Variants in ADORA2B observed in about 807,000 individuals in gnomAD.
ADORA2B encodes the protein adenosine receptor A2b.
ADORA2B carries 18 observed loss-of-function variants against 20.8 expected under a neutral mutation model. The ratio of observed to expected loss-of-function variants is 0.87; its 90% CI spans 0.60 to 1.29. The LOEUF (loss-of-function observed/expected upper bound fraction) is 1.29. ADORA2B is among the 50% of genes most tolerant of loss of function. The probability of loss-of-function intolerance (pLI) is 0.00; values close to 1 mark genes in which losing one functional copy is unlikely to be tolerated. For synonymous variants in ADORA2B, 179 were observed against 178.3 expected (o/e 1.00, Z -0.03); for missense variants, 441 against 422.7 (o/e 1.04, Z -0.38).
chr17:15,918,751 A>G, the ADORA2B span, among the ~76,000 whole-genome samples: 3 of 152,162 alleles, frequency 2.0e-5, no homozygotes, highest in African/African-American at 4.8e-5. Flanking sequence ...ATTCAGGTGT[A>G]AGCCACCGCG....
At chr17:15,890,499 T>TA in the ADORA2B span, among the ~76,000 whole-genome samples, 1 of 151,424 alleles carries the variant, frequency 6.6e-6, no homozygotes, top group African/African-American at 2.4e-5. Flanking sequence ...TTTATTTATT[T>TA]TTTGTATTTT....
chr17:15,915,660 T>C, the ADORA2B span, among the ~76,000 whole-genome samples: 1 of 152,146 alleles, frequency 6.6e-6, no homozygotes, highest in Non-Finnish European at 1.5e-5. Context: ...CCCATGTGAC[T>C]ATGGAGGCTG....
chr17:15,931,132 C>T, the ADORA2B span, among the ~76,000 whole-genome samples: 3 of 152,130 alleles, frequency 2.0e-5, no homozygotes, highest in East Asian at 5.8e-4. Context: ...GCCTGGGCAA[C>T]ACAGCAAGGC....
intron 1 of ADORA2B, among the ~76,000 whole-genome samples, chr17:15,956,113 CT>C (rs1020898334): frequency 2.0e-5 from 3 of 152,198 alleles, no homozygotes; most frequent in African/African-American, 7.2e-5. Flanking sequence ...AGTTTCTTCG[CT>C]TTTTTTCCTT....
the ADORA2B span, among the ~76,000 whole-genome samples, chr17:15,920,661 C>T: frequency 6.8e-6 from 1 of 147,818 alleles, no homozygotes; most frequent in Non-Finnish European, 1.5e-5. Flanking sequence ...GTGGAGGTTG[C>T]AGTGAGCCAA....
the ADORA2B span, among the ~76,000 whole-genome samples, chr17:15,883,263 A>C: frequency 5.3e-5 from 8 of 152,376 alleles, no homozygotes; most frequent in African/African-American, 1.9e-4. Context: ...AAAATACAGA[A>C]GTGCTGTTTC....
chr17:15,867,883 C>G, the ADORA2B span, among the ~76,000 whole-genome samples: 3 of 152,070 alleles, frequency 2.0e-5, no homozygotes, highest in Non-Finnish European at 4.4e-5. Flanking sequence ...CTCAACAGCT[C>G]ATTGAGAACG....
At chr17:15,926,353 G>A in the ADORA2B span, among the ~76,000 whole-genome samples, 1 of 151,926 alleles carries the variant, frequency 6.6e-6, no homozygotes, top group Non-Finnish European at 1.5e-5. Flanking sequence ...AAGACAAGCA[G>A]AGCAAGGCAA....
the ADORA2B span, among the ~76,000 whole-genome samples, chr17:15,851,948 TTAAG>T: frequency 6.6e-6 from 1 of 152,248 alleles, no homozygotes; most frequent in East Asian, 1.9e-4. Flanking sequence ...ATTTTAAAGA[TTAAG>T]TAAATGAACA....
Position 15,945,375 on chromosome 17 carries a change from A to G in ADORA2B, c.127A>G (p.Asn43Asp), listed in dbSNP as rs1213066998. ...GGCGAACACTCTGCAGACGCCCACC[A>G]ACTACTTCCTGGTGTCCCTGGCTGC... ...GTANTLQTPT[N>D]YFLVSLAAAD... Residue 43 changes from asparagine (N) to aspartate (D), a missense_variant, in exon 1 of 2, where the codon AAC becomes GAC. Physicochemically the swap from Asn to Asp is conservative, Grantham distance 23. Transcript: ENST00000304222. The G allele has an allele frequency of 1.9e-5, 31 of 1,612,562 alleles. 1 individual carries two copies. In the Admixed American group the frequency reaches 5.2e-4, roughly 27 times the overall value.
chr17:15,948,318 T>C (rs919384003), intron 1 of ADORA2B, among the ~76,000 whole-genome samples: 1 of 4,780 alleles, frequency 2.1e-4, no homozygotes, highest in Non-Finnish European at 2.6e-3. Context: ...GCCCTTTGCC[T>C]TCAGGACAGG....
At chr17:15,874,912 T>A in the ADORA2B span, among the ~76,000 whole-genome samples, 1 of 152,212 alleles carries the variant, frequency 6.6e-6, no homozygotes, top group Non-Finnish European at 1.5e-5. Context: ...TGTGCAAGAT[T>A]ATACACATTC....
intron 1 of ADORA2B, among the ~76,000 whole-genome samples, chr17:15,967,713 G>A (rs2151607240): frequency 6.6e-6 from 1 of 152,250 alleles, no homozygotes; most frequent in Middle Eastern, 3.4e-3. Flanking sequence ...CATAGACCAG[G>A]GTGAGGTGTG....
At chr17:15,925,601 T>G in the ADORA2B span, among the ~76,000 whole-genome samples, 6 of 152,360 alleles carry the variant, frequency 3.9e-5, no homozygotes, top group African/African-American at 1.4e-4. Flanking sequence ...GTTAGTGAAC[T>G]CTGTGTCAGG....
the ADORA2B span, among the ~76,000 whole-genome samples, chr17:15,865,903 G>A: frequency 6.6e-6 from 1 of 150,610 alleles, no homozygotes; most frequent in African/African-American, 2.5e-5. Context: ...GAAAATGGAG[G>A]CTCCCCTGTA....
chr17:15,975,660 C>T lies in ADORA2B; in HGVS notation c.*318C>T. 1 of 333,496 alleles carries T rather than the reference C, an allele frequency of 3.0e-6. No individual in the cohort carries two copies. The highest frequency in any genetic ancestry group is 5.5e-6 in the Non-Finnish European group (1 of 181,356). The allele number at this position is 333,496 out of a possible 1,614,324, so 20.7% of individuals were successfully genotyped here. A position where few individuals can be genotyped will look rare whatever the true frequency, so the allele number is the denominator to read the frequency against. On this transcript the variant is annotated 3_prime_UTR_variant, in exon 2 of 2. Coordinates refer to ENST00000304222, the MANE Select transcript of ADORA2B (RefSeq NM_000676.4). ...GTGGAAAATTACTGAAACTATTTTACTGTGAAACAGTGTGAACTATTATAA... is the reference window on the plus strand; with the variant it reads ...GTGGAAAATTACTGAAACTATTTTATTGTGAAACAGTGTGAACTATTATAA...
At chr17:15,941,363 A>C (rs140979616), upstream of ADORA2B, among the ~76,000 whole-genome samples, 1 of 152,352 alleles carries the variant, frequency 6.6e-6, no homozygotes, top group Non-Finnish European at 1.5e-5. Flanking sequence ...CATCAACAGC[A>C]GAGCTGGGAA....
intron 1 of ADORA2B, among the ~76,000 whole-genome samples, chr17:15,969,133 C>T (rs1970155990): frequency 6.6e-6 from 1 of 152,170 alleles, no homozygotes; most frequent in Non-Finnish European, 1.5e-5. Context: ...CCTCCACCTC[C>T]TCCCATTCTT....
At chr17:15,875,311 A>G in the ADORA2B span, among the ~76,000 whole-genome samples, 1 of 152,160 alleles carries the variant, frequency 6.6e-6, no homozygotes, top group Non-Finnish European at 1.5e-5. Flanking sequence ...GCTAAATAGC[A>G]TGCTTATCAC....
Sources: gnomAD v4.1 joint callset for allele counts (sites outside exome capture counted in the v4.1 genomes callset) on GRCh38, gnomAD v4.1.1 for gene constraint, MANE v1.5 for transcripts, NCBI Gene and HGNC (gene_info 2026-07-23, HGNC 2026-07-21) for gene names.